The following CNBD1 variants were observed in gnomAD, a reference collection of about 807,000 sequenced individuals.
The protein encoded by CNBD1 is cyclic nucleotide-binding domain-containing protein 1.
A neutral mutation model predicts 54.4 loss-of-function variants in CNBD1; 71 were observed. The observed-to-expected ratio is 1.30, with a 90% CI of 1.08 to 1.59. The LOEUF (loss-of-function observed/expected upper bound fraction) is 1.59. Ranked by LOEUF, CNBD1 falls within the 40% of genes most tolerant of loss-of-function variation. The probability of loss-of-function intolerance (pLI) is 0.00; values close to 1 mark genes in which losing one functional copy is unlikely to be tolerated. For synonymous variants in CNBD1, 182 were observed against 170.7 expected, an observed-to-expected ratio of 1.07 and a Z score of -0.51; for missense variants, 659 against 518.0, an observed-to-expected ratio of 1.27 and a Z score of -2.64.
chr8:86,945,154 A>G (rs1285840207), intron 4 of CNBD1, among the ~76,000 whole-genome samples: 1 of 152,216 alleles, frequency 6.6e-6, no homozygotes, highest in Non-Finnish European at 1.5e-5. Flanking sequence ...TTCTGGGGAA[A>G]AAAAGTTATG....
intron 8 of CNBD1, among the ~76,000 whole-genome samples, chr8:87,310,285 G>A (rs1435159240): frequency 2.0e-5 from 3 of 152,034 alleles, no homozygotes; most frequent in Non-Finnish European, 4.4e-5. Flanking sequence ...ACCCCAGGAG[G>A]TAGAGGGTGC....
At chr8:87,131,386 A>G (rs956410757) in intron 4 of CNBD1, among the ~76,000 whole-genome samples, 1 of 152,056 alleles carries the variant, frequency 6.6e-6, no homozygotes, top group Admixed American at 6.6e-5. Context: ...TAAAATACAC[A>G]TTTTTAACTT....
At chr8:87,357,076 A>G (rs1015274248) in intron 10 of CNBD1, among the ~76,000 whole-genome samples, 1 of 152,206 alleles carries the variant, frequency 6.6e-6, no homozygotes, top group Non-Finnish European at 1.5e-5. Flanking sequence ...GGTATATGAA[A>G]TGCAAGAGTG....
intron 4 of CNBD1, among the ~76,000 whole-genome samples, chr8:87,067,936 G>C (rs1337117374): frequency 2.0e-5 from 3 of 151,810 alleles, no homozygotes; most frequent in African/African-American, 7.3e-5. Context: ...TAGCACTTGA[G>C]TTTTTCTTGA....
chr8:87,308,170 C>A (rs1809195859), intron 8 of CNBD1, among the ~76,000 whole-genome samples: 1 of 152,066 alleles, frequency 6.6e-6, no homozygotes, highest in South Asian at 2.1e-4. Context: ...GGGTTACATG[C>A]ACACAATGAA....
At chr8:87,036,656 C>G (rs1809957474) in intron 4 of CNBD1, among the ~76,000 whole-genome samples, 1 of 147,662 alleles carries the variant, frequency 6.8e-6, no homozygotes, top group Non-Finnish European at 1.5e-5. Flanking sequence ...TTTACATTTC[C>G]TTTCTCATAC....
intron 4 of CNBD1, among the ~76,000 whole-genome samples, chr8:86,948,952 C>G (rs972693614): frequency 3.3e-5 from 5 of 152,028 alleles, no homozygotes. Context: ...AAATAGGGGT[C>G]TAGTTGTTCT....
intron 8 of CNBD1, among the ~76,000 whole-genome samples, chr8:87,294,403 A>C (rs765823648): frequency 6.6e-6 from 1 of 152,104 alleles, no homozygotes; most frequent in Non-Finnish European, 1.5e-5. Context: ...TGTCAGTTTA[A>C]ACACACATCA....
intron 2 of CNBD1, chr8:87,428,510 A>C (rs184733717): frequency 1.2e-5 from 5 of 410,262 alleles, no homozygotes; most frequent in South Asian, 8.9e-5. Flanking sequence ...TTATTTTTTT[A>C]TGATATTCTA....
At position 87,220,673 on chromosome 8, in the gene CNBD1, C is replaced by A. The variant is rs531334484; in HGVS notation, c.577+14535C>A. Among the ~76,000 whole-genome samples the A allele has an allele frequency of 7.9e-5, 12 of 152,018 alleles. No individual in the cohort carries two copies. In the East Asian group the frequency reaches 2.3e-3, roughly 29 times the overall value. On this transcript the variant is annotated intron_variant, in intron 5 of 10. Coordinates refer to ENST00000518476, the MANE Select transcript of CNBD1 (RefSeq NM_173538.3). ...TGCAAACACCACTTTTGAATAACTG[C>A]ATATTTTTGTCATACAGATATGTTA...
chr8:87,183,045 A>T (rs902055902), intron 4 of CNBD1, among the ~76,000 whole-genome samples: 1 of 152,126 alleles, frequency 6.6e-6, no homozygotes, highest in Admixed American at 6.5e-5. Context: ...CTTACATTTA[A>T]GTCTTTAATT....
At chr8:87,073,540 A>G (rs1810803026) in intron 4 of CNBD1, among the ~76,000 whole-genome samples, 1 of 151,842 alleles carries the variant, frequency 6.6e-6, no homozygotes, top group East Asian at 1.9e-4. Flanking sequence ...TTTTCTTTTA[A>G]CAGTCAGGCC....
At chr8:87,254,205 G>T (rs933628798) in intron 6 of CNBD1, among the ~76,000 whole-genome samples, 1 of 152,088 alleles carries the variant, frequency 6.6e-6, no homozygotes, top group Non-Finnish European at 1.5e-5. Context: ...GAGACCTGAG[G>T]ACGAAATCCT....
At position 87,196,979 on chromosome 8, in the gene CNBD1, C is replaced by T. The variant is rs141272357; in HGVS notation, c.432-9014C>T. Among the ~76,000 whole-genome samples, 19 of 150,276 alleles carry T rather than the reference C, an allele frequency of 1.3e-4. 1 individual carries two copies. The highest frequency in any genetic ancestry group is 4.4e-4 in the African/African-American group (18 of 40,720). On this transcript the variant is annotated intron_variant, in intron 4 of 10. Coordinates refer to ENST00000518476, the MANE Select transcript of CNBD1 (RefSeq NM_173538.3). ...TAACTCATAATAAGGATAATTTGGC[C>T]GTCAGCTGGAATTGGGTCTAGAAAT...
intron 4 of CNBD1, among the ~76,000 whole-genome samples, chr8:87,017,410 G>A (rs765312477): frequency 7.9e-5 from 12 of 152,150 alleles, no homozygotes; most frequent in Non-Finnish European, 1.2e-4. Context: ...AAAACCGTAA[G>A]TATTTTTCGG....
chr8:86,882,264 G>T (rs993095355), intron 1 of CNBD1, among the ~76,000 whole-genome samples: 2 of 152,118 alleles, frequency 1.3e-5, no homozygotes, highest in Non-Finnish European at 2.9e-5. Flanking sequence ...GAAAAATTTT[G>T]CAAACTATGC....
At chr8:87,369,345 A>T (rs1031860868) in intron 10 of CNBD1, among the ~76,000 whole-genome samples, 1 of 152,004 alleles carries the variant, frequency 6.6e-6, no homozygotes, top group African/African-American at 2.4e-5. Context: ...GTGATTGAAA[A>T]GAGTTCCAGT....
At chr8:87,335,711 G>T (rs563275662) in intron 8 of CNBD1, among the ~76,000 whole-genome samples, 2 of 152,124 alleles carry the variant, frequency 1.3e-5, no homozygotes, top group South Asian at 2.1e-4. Flanking sequence ...TACATTTAAG[G>T]TTAATATGGT....
At chr8:87,212,767 TAAG>T (rs1814128005) in intron 5 of CNBD1, among the ~76,000 whole-genome samples, 1 of 152,106 alleles carries the variant, frequency 6.6e-6, no homozygotes, top group South Asian at 2.1e-4. Flanking sequence ...AAGAAAAACT[TAAG>T]AATCTTCATA....
Sources: gnomAD v4.1 joint callset for allele counts (sites outside exome capture counted in the v4.1 genomes callset) on GRCh38, gnomAD v4.1.1 for gene constraint, MANE v1.5 for transcripts, NCBI Gene and HGNC (gene_info 2026-07-23, HGNC 2026-07-21) for gene names.